The following KCNAB1 variants were observed in gnomAD, a reference collection of about 807,000 sequenced individuals.
The protein encoded by KCNAB1 is potassium voltage-gated channel subfamily A regulatory beta subunit 1.
A neutral mutation model predicts 64.6 loss-of-function variants in KCNAB1; 35 were observed. That is an observed-to-expected ratio of 0.54 (90% confidence interval 0.41 to 0.72). KCNAB1 has a LOEUF of 0.72. Ranked by LOEUF, KCNAB1 falls within the 30% of genes least tolerant of loss-of-function variation. The pLI, the probability that KCNAB1 is intolerant of heterozygous loss-of-function variation, is 0.00. For missense variants in KCNAB1, 401 were observed against 512.9 expected, an observed-to-expected ratio of 0.78 and a Z score of 2.11; for synonymous variants, 177 against 183.8, an observed-to-expected ratio of 0.96 and a Z score of 0.30.
At chr3:156,119,035 AT>A (rs999610299), upstream of KCNAB1, among the ~76,000 whole-genome samples, 8 of 152,214 alleles carry the variant, frequency 5.3e-5, no homozygotes, top group Admixed American at 1.3e-4. Flanking sequence ...CAGGCTGCAC[AT>A]TACTTGGTGG....
At chr3:156,425,878 A>G (rs1715781152) in intron 2 of KCNAB1, among the ~76,000 whole-genome samples, 1 of 152,156 alleles carries the variant, frequency 6.6e-6, no homozygotes, top group Admixed American at 6.5e-5. Context: ...TGATGGGGGA[A>G]CAAGGGTTGC....
chr3:156,478,501 T>C (rs1714547143), intron 8 of KCNAB1, among the ~76,000 whole-genome samples: 1 of 152,158 alleles, frequency 6.6e-6, no homozygotes, highest in Non-Finnish European at 1.5e-5. Context: ...GTGCTTGCTC[T>C]TATTTGTCAC....
chr3:156,389,803 T>C (rs1020289143), intron 1 of KCNAB1, among the ~76,000 whole-genome samples: 12 of 152,236 alleles, frequency 7.9e-5, no homozygotes, highest in Non-Finnish European at 1.5e-4. Flanking sequence ...TCTATACTAG[T>C]GGTTGGCAAA....
chr3:156,221,531 C>G (rs1560143781), intron 1 of KCNAB1, among the ~76,000 whole-genome samples: 1 of 152,072 alleles, frequency 6.6e-6, no homozygotes, highest in Non-Finnish European at 1.5e-5. Context: ...GTAATCCCAG[C>G]ACTTTGAGGG....
chr3:156,169,088 A>G (rs2108322163), intron 1 of KCNAB1, among the ~76,000 whole-genome samples: 1 of 152,278 alleles, frequency 6.6e-6, no homozygotes, highest in South Asian at 2.1e-4. Flanking sequence ...ATTTTTTTAC[A>G]CTTAAGAAAT....
intron 1 of KCNAB1, among the ~76,000 whole-genome samples, chr3:156,369,803 G>A (rs1471023093): frequency 6.6e-6 from 1 of 152,150 alleles, no homozygotes; most frequent in African/African-American, 2.4e-5. Context: ...TAAAATGCAT[G>A]TTCCAATCTT....
At chr3:156,291,676 C>A in intron 1 of KCNAB1, 1 of 1,402,392 alleles carries the variant, frequency 7.1e-7, no homozygotes, top group Non-Finnish European at 9.3e-7. Flanking sequence ...ACTTCGGGGC[C>A]GTCTGTTTAC....
At chr3:156,235,832 A>G (rs1354253097) in intron 1 of KCNAB1, among the ~76,000 whole-genome samples, 1 of 152,140 alleles carries the variant, frequency 6.6e-6, no homozygotes, top group Non-Finnish European at 1.5e-5. Flanking sequence ...TCAAAAATAG[A>G]AATTCCTGGG....
intron 1 of KCNAB1, among the ~76,000 whole-genome samples, chr3:156,271,312 A>T (rs2108491940): frequency 6.6e-6 from 1 of 151,478 alleles, no homozygotes; most frequent in East Asian, 1.9e-4. Context: ...AGGGCCTATA[A>T]CTCTTAAATT....
intron 1 of KCNAB1, among the ~76,000 whole-genome samples, chr3:156,279,003 A>T (rs1003242727): frequency 4.6e-5 from 7 of 151,916 alleles, no homozygotes; most frequent in Non-Finnish European, 1.0e-4. Flanking sequence ...TTTAGGGTAC[A>T]TGTGCACATT....
upstream of KCNAB1, among the ~76,000 whole-genome samples, chr3:156,118,843 C>A (rs59897122): frequency 1.3e-5 from 2 of 152,182 alleles, no homozygotes; most frequent in African/African-American, 4.8e-5. Flanking sequence ...GTCTACACTT[C>A]GGGGAGTCTA....
At chr3:156,130,875 G>C (rs1189897178) in intron 1 of KCNAB1, among the ~76,000 whole-genome samples, 1 of 152,188 alleles carries the variant, frequency 6.6e-6, no homozygotes, top group African/African-American at 2.4e-5. Flanking sequence ...GATAGCAAAG[G>C]GTTGTGTCAT....
chr3:156,218,170 C>G (rs1278659193), intron 1 of KCNAB1: 4 of 152,300 alleles, frequency 2.6e-5, no homozygotes, highest in African/African-American at 7.2e-5. Flanking sequence ...ATGAGACCGG[C>G]CTTTAGGACT....
chr3:156,137,220 TG>T (rs1336379075), intron 1 of KCNAB1, among the ~76,000 whole-genome samples: 8 of 76,384 alleles, frequency 1.0e-4, no homozygotes, highest in East Asian at 3.7e-4. Flanking sequence ...TATCATACAT[TG>T]GTGGGGGGGG....
At chr3:156,480,216 G>A (rs574521480) in intron 8 of KCNAB1, among the ~76,000 whole-genome samples, 11 of 152,044 alleles carry the variant, frequency 7.2e-5, no homozygotes, top group South Asian at 2.1e-4. Flanking sequence ...CAAGCCATTC[G>A]AAAAAACATG....
intron 9 of KCNAB1, among the ~76,000 whole-genome samples, chr3:156,514,806 A>G (rs1023256549): frequency 1.3e-5 from 2 of 152,238 alleles, no homozygotes; most frequent in African/African-American, 2.4e-5. Context: ...TTCTTTAGGA[A>G]CTTAAAAATA....
intron 4 of KCNAB1, among the ~76,000 whole-genome samples, chr3:156,457,928 T>C (rs776212468): frequency 6.6e-6 from 1 of 152,192 alleles, no homozygotes; most frequent in African/African-American, 2.4e-5. Context: ...GTCTTTTTAT[T>C]TCATAACCAT....
At chr3:156,294,274 C>T (rs766658733) in intron 1 of KCNAB1, among the ~76,000 whole-genome samples, 13 of 152,142 alleles carry the variant, frequency 8.5e-5, no homozygotes, top group East Asian at 3.9e-4. Flanking sequence ...CTGGGATCTT[C>T]GGTATATGTT....
chr3:156,261,880 T>G (rs1281057503), intron 1 of KCNAB1, among the ~76,000 whole-genome samples: 1 of 152,062 alleles, frequency 6.6e-6, no homozygotes, highest in African/African-American at 2.4e-5. Flanking sequence ...GAACATTATT[T>G]AGATCTTTAA....
Sources: gnomAD v4.1 joint callset for allele counts (sites outside exome capture counted in the v4.1 genomes callset) on GRCh38, gnomAD v4.1.1 for gene constraint, MANE v1.5 for transcripts, NCBI Gene and HGNC (gene_info 2026-07-23, HGNC 2026-07-21) for gene names.